Variants in USP42 observed in about 807,000 individuals in gnomAD.
USP42 encodes the protein ubiquitin carboxyl-terminal hydrolase 42.
A neutral mutation model predicts 113.0 loss-of-function variants in USP42; 23 were observed. That is an observed-to-expected ratio of 0.20 (90% confidence interval 0.15 to 0.29). The LOEUF (loss-of-function observed/expected upper bound fraction) is 0.29, where lower values mean the gene tolerates loss of function less well. USP42 is among the 10% of genes least tolerant of loss of function. The pLI is 1.00. For synonymous variants in USP42, 933 were observed against 699.0 expected (o/e 1.33, Z -5.28); for missense variants, 2,174 against 1,779.8 (o/e 1.22, Z -3.99).
intron 3 of USP42, among the ~76,000 whole-genome samples, chr7:6,135,080 G>T (rs1447598280): frequency 1.3e-5 from 2 of 152,152 alleles, no homozygotes; most frequent in African/African-American, 4.8e-5. Context: ...ATGAGCCATG[G>T]CGCCTGGCTT....
At chr7:6,111,933 A>G (rs1275371282) in intron 2 of USP42, 1 of 152,646 alleles carries the variant, frequency 6.6e-6, no homozygotes, top group African/African-American at 2.4e-5. Flanking sequence ...AGTTTTTTTT[A>G]AGAATAAACT....
In USP42 at chr7:6,161,374, G is replaced by A. The variant is rs1782776111; in HGVS notation, c.*856G>A. ...CTTATAATTCACTGGTCCTGCATCA[G>A]GAGATGGAGTGGGGAAAACTGTATT... On this transcript the variant is annotated 3_prime_UTR_variant, in exon 18 of 18. Coordinates refer to ENST00000306177, the MANE Select transcript of USP42 (RefSeq NM_032172.3). 6.6e-6 allele frequency: 1 copy of A among 152,538 alleles called. No homozygotes were observed. The highest frequency in any genetic ancestry group is 2.1e-4 in the South Asian group (1 of 4,820). The allele number at this position is 152,538 out of a possible 1,614,324, so 9.4% of individuals were successfully genotyped here. A position where few individuals can be genotyped will look rare whatever the true frequency, so the allele number is the denominator to read the frequency against.
chr7:6,161,225 G>A lies in USP42; in HGVS notation c.*707G>A, dbSNP rs977382055. 2 of 152,522 alleles carry A rather than the reference G, an allele frequency of 1.3e-5. No individual in the cohort carries two copies. Among genetic ancestry groups the A allele is most frequent in the Non-Finnish European group, 2.9e-5 (2 of 68,032 alleles). 9.4% of individuals were successfully genotyped at this position (152,522 alleles called of 1,614,324 possible). On this transcript the variant is annotated 3_prime_UTR_variant, in exon 18 of 18. Coordinates refer to ENST00000306177, the MANE Select transcript of USP42 (RefSeq NM_032172.3). ...ATTACACAACACTTTTTGATACAGC[G>A]TCTCTTGTCTTCACTGATACTGGAG...
upstream of USP42, among the ~76,000 whole-genome samples, chr7:6,103,404 C>T (rs1790193204): frequency 6.7e-6 from 1 of 150,102 alleles, no homozygotes; most frequent in Non-Finnish European, 1.5e-5. Context: ...GGCGTGGTGG[C>T]GGGCATCTGT....
At position 6,107,664 on chromosome 7, in the gene USP42, C is replaced by T. The variant is rs933152225; in HGVS notation, c.-10+2632C>T. Among the ~76,000 whole-genome samples, 10 of 152,150 alleles carry T rather than the reference C, an allele frequency of 6.6e-5. No individual in the cohort carries two copies. In the South Asian group the frequency reaches 2.1e-3, roughly 32 times the overall value. On this transcript the variant is annotated intron_variant, in intron 1 of 17. Transcript: ENST00000306177. ...TTTCAGGTGATCTGCCCGCCTCGTC[C>T]TCCCAAAGTGCTGGGATTACAGGTG...
At chr7:6,149,527 T>C (rs1781912923) in intron 12 of USP42, 56 bp from the exon 13 acceptor site, 1 of 1,542,298 alleles carries the variant, frequency 6.5e-7, no homozygotes, top group Non-Finnish European at 8.7e-7. Context: ...AAATGGGTTC[T>C]GTTTGTGTGA....
intron 12 of USP42, among the ~76,000 whole-genome samples, chr7:6,149,111 C>T (rs1781885547): frequency 6.6e-6 from 1 of 152,150 alleles, no homozygotes. Flanking sequence ...AATGTGGAGA[C>T]GTTGTGGGGC....
In USP42 at chr7:6,155,157, A is replaced by G; in HGVS notation, c.3603A>G (p.Lys1201=). Residue 1201 remains lysine, a synonymous_variant, in exon 15 of 18, where the codon AAA becomes AAG. Coordinates refer to ENST00000306177, the MANE Select transcript of USP42 (RefSeq NM_032172.3). ...KAKKHKKSKK[K]KKSKDKHRDR... ...AGAAGCACAAAAAATCAAAGAAGAAAAAGAAATCCAAAGACAAACACCGAG... is the reference window on the plus strand; with the variant it reads ...AGAAGCACAAAAAATCAAAGAAGAAGAAGAAATCCAAAGACAAACACCGAG... 6.5e-7 allele frequency: 1 copy of G among 1,543,450 alleles called. No individual in the cohort carries two copies.
rs373865985 is a variant in USP42, at chr7:6,120,093, T to C, written c.442+4570T>C. Among the ~76,000 whole-genome samples the C allele has an allele frequency of 1.2e-3, 183 of 152,254 alleles. 1 individual carries two copies. Among genetic ancestry groups the C allele is most frequent in the Middle Eastern group, 3.4e-3 (1 of 294 alleles). On this transcript the variant is annotated intron_variant, in intron 3 of 17. Coordinates refer to ENST00000306177, the MANE Select transcript of USP42 (RefSeq NM_032172.3). ...CATTCTTCTGCCTCAGCTTCCTGAGTGGTTGGGACTACAGGTGCCTGCCAC... is the reference window on the plus strand; with the variant it reads ...CATTCTTCTGCCTCAGCTTCCTGAGCGGTTGGGACTACAGGTGCCTGCCAC...
At chr7:6,142,195 C>G (rs191517615) in intron 7 of USP42, among the ~76,000 whole-genome samples, 10 of 151,472 alleles carry the variant, frequency 6.6e-5, no homozygotes, top group African/African-American at 1.5e-4. Flanking sequence ...CATCATACTA[C>G]TAAATGAAAA....
the USP42 span, among the ~76,000 whole-genome samples, chr7:6,092,053 C>CTTCTTCT: frequency 3.4e-4 from 14 of 41,758 alleles, no homozygotes; most frequent in Non-Finnish European, 5.9e-4. Flanking sequence ...TCTTCTTCTT[C>CTTCTTCT]TTTCTTCTTC....
At chr7:6,107,053 A>G (rs1295832337) in intron 1 of USP42, among the ~76,000 whole-genome samples, 1 of 152,200 alleles carries the variant, frequency 6.6e-6, no homozygotes, top group Non-Finnish European at 1.5e-5. Flanking sequence ...TAGCAGATGG[A>G]GTTTAGTTTG....
At chr7:6,143,849 G>T (rs924932432) in intron 8 of USP42, among the ~76,000 whole-genome samples, 5 of 152,076 alleles carry the variant, frequency 3.3e-5, no homozygotes, top group African/African-American at 1.2e-4. Flanking sequence ...GGCTTGCGTG[G>T]CTTGGTTTTT....
chr7:6,086,202 A>ATTTTTT, the USP42 span, among the ~76,000 whole-genome samples: 1 of 122,664 alleles, frequency 8.2e-6, no homozygotes, highest in Non-Finnish European at 1.7e-5. Flanking sequence ...CACCTGGCTA[A>ATTTTTT]TTTTTTTTTT....
At chr7:6,124,311 A>G (rs1244563499) in intron 3 of USP42, among the ~76,000 whole-genome samples, 2 of 152,090 alleles carry the variant, frequency 1.3e-5, no homozygotes, top group East Asian at 1.9e-4. Context: ...TCTGTCACCC[A>G]GGCTGGAGTG....
chr7:6,135,960 T>A lies in USP42; in HGVS notation c.553+9T>A. 1 of 1,520,142 alleles carries A rather than the reference T, an allele frequency of 6.6e-7. No individual in the cohort carries two copies. The highest frequency in any genetic ancestry group is 9.0e-7 in the Non-Finnish European group (1 of 1,116,434). 94.2% of individuals were successfully genotyped at this position (1,520,142 alleles called of 1,614,324 possible). On this transcript the variant is annotated intron_variant, in intron 4 of 17. Transcript: ENST00000306177. ...CATCAATGAGATGCGGCGTAAGTAT[T>A]AACTATTGTAGTTTTATATTTGTAT...
Position 6,157,076 on chromosome 7 carries a change from T to C in USP42, c.3943+21T>C. ...CCAGGGTAAGAGGAGATACTTGGAATTAGGAAGATAGAAACTATTTCTTAA... is the reference window on the plus strand; with the variant it reads ...CCAGGGTAAGAGGAGATACTTGGAACTAGGAAGATAGAAACTATTTCTTAA... On this transcript the variant is annotated intron_variant, in intron 16 of 17. Coordinates refer to ENST00000306177, the MANE Select transcript of USP42 (RefSeq NM_032172.3). This position sits in a 1 kb window ranked among gnomAD's most constrained non-coding sequence, Gnocchi z 4.1. 4 of 1,554,114 alleles carry C rather than the reference T, an allele frequency of 2.6e-6. No individual in the cohort carries two copies. In the South Asian group the frequency reaches 4.9e-5, roughly 19 times the overall value.
At chr7:6,143,713 A>G (rs139760288) in intron 8 of USP42, among the ~76,000 whole-genome samples, 14 of 152,106 alleles carry the variant, frequency 9.2e-5, no homozygotes, top group African/African-American at 3.1e-4. Flanking sequence ...AATAATTATT[A>G]TTATTTTTAA....
Position 6,115,407 on chromosome 7 carries a change from T to C in USP42, c.326T>C (p.Val109Ala), listed in dbSNP as rs1171991869. 12 of 1,613,942 alleles carry C rather than the reference T, an allele frequency of 7.4e-6. No individual in the cohort carries two copies. Among genetic ancestry groups the C allele is most frequent in the South Asian group, 1.1e-5 (1 of 91,094 alleles). Residue 109 changes from valine to alanine, a missense_variant, in exon 3 of 18, where the codon GTT becomes GCT. Coordinates refer to ENST00000306177, the MANE Select transcript of USP42 (RefSeq NM_032172.3). ...CTTAAGTGGCAACAAACTCATAGAG[T>C]TGGAGCTGGGCTCCAGAATTTGGGC... ...ICLKWQQTHR[V>A]GAGLQNLGNT...
Sources: gnomAD v4.1 joint callset for allele counts (sites outside exome capture counted in the v4.1 genomes callset) on GRCh38, gnomAD v4.1.1 for gene constraint, Gnocchi (gnomAD v3.1) non-coding constraint, MANE v1.5 for transcripts, NCBI Gene and HGNC (gene_info 2026-07-23, HGNC 2026-07-21) for gene names.